DPP10: variants seen among roughly 807,000 people sequenced by gnomAD.
DPP10 encodes inactive dipeptidyl peptidase 10.
DPP10 carries 33 observed loss-of-function variants against 120.9 expected under a neutral mutation model. That is an observed-to-expected ratio of 0.27 (90% confidence interval 0.21 to 0.37). The LOEUF (loss-of-function observed/expected upper bound fraction) is 0.37, where lower values mean the gene tolerates loss of function less well. DPP10 is among the 10% of genes least tolerant of loss of function. The pLI, the probability that DPP10 is intolerant of heterozygous loss-of-function variation, is 1.00. For missense variants in DPP10, 816 were observed against 942.8 expected (o/e 0.87, Z 1.76); for synonymous variants, 337 against 326.1 (o/e 1.03, Z -0.36).
At chr2:114,715,511 A>T (rs1701290694) in intron 1 of DPP10, among the ~76,000 whole-genome samples, 1 of 152,108 alleles carries the variant, frequency 6.6e-6, no homozygotes, top group Non-Finnish European at 1.5e-5. Flanking sequence ...TCTAGGAAAA[A>T]ATTCTAAGAC....
At chr2:114,954,799 G>A (rs1698081894) in intron 1 of DPP10, among the ~76,000 whole-genome samples, 1 of 152,058 alleles carries the variant, frequency 6.6e-6, no homozygotes, top group South Asian at 2.1e-4. Flanking sequence ...TGAAACCACA[G>A]AAATACAAAT....
At chr2:114,635,922 A>G (rs1239681047) in intron 1 of DPP10, among the ~76,000 whole-genome samples, 2 of 151,986 alleles carry the variant, frequency 1.3e-5, no homozygotes. Context: ...AGAAAATTAC[A>G]TTTGTTAATA....
chr2:115,766,974 A>G (rs1473476949), intron 12 of DPP10, among the ~76,000 whole-genome samples: 3 of 152,202 alleles, frequency 2.0e-5, no homozygotes, highest in African/African-American at 4.8e-5. Flanking sequence ...TCAATACGAC[A>G]TGAGATTTGG....
chr2:115,578,270 T>C (rs2081802586), intron 5 of DPP10, among the ~76,000 whole-genome samples: 1 of 152,190 alleles, frequency 6.6e-6, no homozygotes, highest in Non-Finnish European at 1.5e-5. Flanking sequence ...ATTTGAAATG[T>C]AGAAGTTGAC....
chr2:115,728,259 G>A (rs1256030191), intron 8 of DPP10, among the ~76,000 whole-genome samples: 1 of 148,080 alleles, frequency 6.8e-6, no homozygotes, highest in Non-Finnish European at 1.5e-5. Flanking sequence ...CTGACTCTCT[G>A]GGAAAGAAGA....
chr2:115,340,755 TTATA>T (rs1559453350), intron 2 of DPP10, among the ~76,000 whole-genome samples: 1 of 151,458 alleles, frequency 6.6e-6, no homozygotes, highest in Admixed American at 6.6e-5. Context: ...TAAAAGAAAT[TTATA>T]TATATAATAC....
At chr2:114,877,394 G>A (rs575806709) in intron 1 of DPP10, among the ~76,000 whole-genome samples, 6 of 152,010 alleles carry the variant, frequency 3.9e-5, no homozygotes, top group Admixed American at 1.3e-4. Context: ...GTGTTTCTTC[G>A]AAAGCCTTGG....
intron 1 of DPP10, among the ~76,000 whole-genome samples, chr2:115,093,771 A>G (rs1303393404): frequency 4.6e-5 from 7 of 152,138 alleles, no homozygotes; most frequent in African/African-American, 1.7e-4. Flanking sequence ...TTAGGAAAAT[A>G]GATAAAATGT....
At chr2:115,032,662 C>T (rs896667886) in intron 1 of DPP10, among the ~76,000 whole-genome samples, 2 of 151,828 alleles carry the variant, frequency 1.3e-5, no homozygotes, top group African/African-American at 4.8e-5. Flanking sequence ...GGGTGGATCA[C>T]CTGAGGTCAG....
chr2:115,718,177 T>C (rs1445838466), intron 7 of DPP10, among the ~76,000 whole-genome samples: 1 of 80,180 alleles, frequency 1.2e-5, no homozygotes, highest in Non-Finnish European at 2.6e-5. Flanking sequence ...TACTACTAGC[T>C]TCCAGTAATT....
At chr2:115,396,767 G>T (rs544785476) in intron 3 of DPP10, among the ~76,000 whole-genome samples, 1 of 152,216 alleles carries the variant, frequency 6.6e-6, no homozygotes, top group South Asian at 2.1e-4. Context: ...CATCCACAGA[G>T]GTCAGAGCCG....
At chr2:114,457,156 G>A (rs1280495363) in intron 1 of DPP10, among the ~76,000 whole-genome samples, 3 of 152,196 alleles carry the variant, frequency 2.0e-5, no homozygotes, top group African/African-American at 4.8e-5. Flanking sequence ...TCCTGCGTCT[G>A]TTGTATCTTA....
At chr2:115,107,919 A>G (rs2049028223) in intron 1 of DPP10, among the ~76,000 whole-genome samples, 1 of 152,154 alleles carries the variant, frequency 6.6e-6, no homozygotes, top group Non-Finnish European at 1.5e-5. Flanking sequence ...GACATCAAAT[A>G]ACCTTTATTT....
At chr2:115,241,661 A>C (rs1193765472) in intron 1 of DPP10, among the ~76,000 whole-genome samples, 1 of 152,222 alleles carries the variant, frequency 6.6e-6, no homozygotes, top group African/African-American at 2.4e-5. Context: ...TTCTGATGTT[A>C]ATCAAACCAT....
At chr2:114,885,464 A>G (rs1271430250) in intron 1 of DPP10, among the ~76,000 whole-genome samples, 1 of 152,172 alleles carries the variant, frequency 6.6e-6, no homozygotes, top group Non-Finnish European at 1.5e-5. Flanking sequence ...AAACATACAA[A>G]CTATATCACC....
intron 5 of DPP10, among the ~76,000 whole-genome samples, chr2:115,650,412 G>A (rs1008435426): frequency 4.4e-5 from 2 of 45,276 alleles, no homozygotes; most frequent in Non-Finnish European, 9.6e-5. Context: ...ATGGGGAAAG[G>A]GGGGGGGGGA....
chr2:115,296,614 G>T lies in DPP10; in HGVS notation c.61-12625G>T, dbSNP rs113580869. 2.1e-3 allele frequency among the ~76,000 whole-genome samples: 316 copies of T among 152,062 alleles called. 2 individuals are homozygous for T. The highest frequency in any genetic ancestry group is 3.6e-3 in the Non-Finnish European group (246 of 67,948). ...GGCCAGGATAGATTTGATCTTTAGCGTTTCTAACAAACATCATCAGGGATC... is the reference window on the plus strand; with the variant it reads ...GGCCAGGATAGATTTGATCTTTAGCTTTTCTAACAAACATCATCAGGGATC... On this transcript the variant is annotated intron_variant, in intron 1 of 25. Coordinates refer to ENST00000410059, the MANE Select transcript of DPP10 (RefSeq NM_020868.6).
At position 115,343,742 on chromosome 2, in the gene DPP10, C is replaced by A. The variant is rs1179285383; in HGVS notation, c.176-75C>A. The A allele has an allele frequency of 5.1e-6, 5 of 973,668 alleles. No homozygotes were observed. In the Admixed American group the frequency reaches 1.1e-4, roughly 22 times the overall value. 60.3% of individuals were successfully genotyped at this position (973,668 alleles called of 1,614,324 possible). ...GTTAATATATTTTAGAGCAAATATT[C>A]CAAATTTTGTAATTTGCTCCTTTTA... On this transcript the variant is annotated intron_variant, in intron 2 of 25. Coordinates refer to ENST00000410059, the MANE Select transcript of DPP10 (RefSeq NM_020868.6).
chr2:114,869,394 A>G (rs1690504145), intron 1 of DPP10, among the ~76,000 whole-genome samples: 1 of 152,178 alleles, frequency 6.6e-6, no homozygotes, highest in African/African-American at 2.4e-5. Flanking sequence ...CATATGCAAC[A>G]AGTTATATGA....
Sources: allele counts gnomAD v4.1 joint callset (sites outside exome capture counted in the v4.1 genomes callset), GRCh38; gene constraint gnomAD v4.1.1; transcripts MANE v1.5; gene names NCBI Gene and HGNC (gene_info 2026-07-23, HGNC 2026-07-21).